The following GABRA2 variants were observed in gnomAD, a reference collection of about 807,000 sequenced individuals.
GABRA2 encodes the protein gamma-aminobutyric acid receptor subunit alpha-2.
Under a neutral mutation model 48.7 loss-of-function variants are expected in GABRA2, and 16 were observed. The ratio of observed to expected loss-of-function variants is 0.33; its 90% CI spans 0.22 to 0.50. The LOEUF is 0.50. Among genes scored for constraint, GABRA2 ranks in the 20% least tolerant of loss-of-function variants. The pLI, the probability that GABRA2 is intolerant of heterozygous loss-of-function variation, is 0.98. For missense variants in GABRA2, 275 were observed against 535.6 expected (o/e 0.51, Z 4.80); for synonymous variants, 185 against 184.5 (o/e 1.00, Z -0.02).
intron 8 of GABRA2, among the ~76,000 whole-genome samples, chr4:46,274,246 A>G (rs778082138): frequency 2.6e-5 from 4 of 152,118 alleles, no homozygotes; most frequent in Non-Finnish European, 4.4e-5. Flanking sequence ...CTTACTGAAG[A>G]TCATACTGTT....
At chr4:46,353,422 G>T (rs1274524469) in intron 3 of GABRA2, among the ~76,000 whole-genome samples, 1 of 151,986 alleles carries the variant, frequency 6.6e-6, no homozygotes, top group South Asian at 2.1e-4. Flanking sequence ...AAATCAAATC[G>T]TGCCATGGCT....
At chr4:46,386,246 A>C (rs1717432497) in intron 2 of GABRA2, 57 bp from the exon 3 acceptor site, 3 of 1,013,020 alleles carry the variant, frequency 3.0e-6, no homozygotes, top group Admixed American at 2.4e-5. Flanking sequence ...TGCAAATGCC[A>C]ACATGCTTTT....
intron 3 of GABRA2, among the ~76,000 whole-genome samples, chr4:46,358,951 C>T (rs1712676768): frequency 6.6e-6 from 1 of 152,186 alleles, no homozygotes; most frequent in Admixed American, 6.5e-5. Flanking sequence ...TAATGGATAA[C>T]TTTCAAATAC....
At chr4:46,341,911 T>G (rs1223325972) in intron 3 of GABRA2, among the ~76,000 whole-genome samples, 1 of 151,992 alleles carries the variant, frequency 6.6e-6, no homozygotes, top group African/African-American at 2.4e-5. Context: ...GCTAACTGTT[T>G]TCATCAAATG....
intron 3 of GABRA2, among the ~76,000 whole-genome samples, chr4:46,333,053 C>T (rs1002528546): frequency 5.9e-5 from 9 of 152,016 alleles, no homozygotes; most frequent in African/African-American, 2.2e-4. Context: ...TATAATCCTA[C>T]ATTCGATGTT....
Position 46,278,829 on chromosome 4 carries a change from T to C in GABRA2, c.857-16701A>G, listed in dbSNP as rs1350688563. Among the ~76,000 whole-genome samples the C allele has an allele frequency of 5.3e-5, 8 of 151,870 alleles. No individual in the cohort carries two copies. In the South Asian group the frequency reaches 1.0e-3, roughly 20 times the overall value. ...AGGAATGTTCCAGAGTAGAATTAAA[T>C]GTTAACAGTAGAGATTAGACGATGG... On this transcript the variant is annotated intron_variant, in intron 8 of 9. Transcript: ENST00000381620.
chr4:46,389,233 A>T, intron 1 of GABRA2: 1 of 986,346 alleles, frequency 1.0e-6, no homozygotes, highest in Non-Finnish European at 1.2e-6. Context: ...TCTACATTAC[A>T]GTGAACTGCG....
In GABRA2 at chr4:46,316,095, T is replaced by C. The variant is rs191475631; in HGVS notation, c.256-3379A>G. The stretch of plus-strand genomic sequence containing the variant: ...ATGGCAATATATCTAGCCCTTTGAT[T>C]CATTTTTACTGCTTTATAGTATTAT... On this transcript the variant is annotated intron_variant, in intron 4 of 9. Coordinates refer to ENST00000381620, the MANE Select transcript of GABRA2 (RefSeq NM_000807.4). Among the ~76,000 whole-genome samples, 380 of 152,076 alleles carry C rather than the reference T, an allele frequency of 2.5e-3. 2 individuals are homozygous for C. Among genetic ancestry groups the C allele is most frequent in the Middle Eastern group, 0.014 (4 of 294 alleles).
intron 7 of GABRA2, 95 bp downstream of exon 7, chr4:46,305,473 G>A: frequency 8.8e-7 from 1 of 1,142,528 alleles, no homozygotes. Context: ...TGGACCTCAA[G>A]AGCAAAAGAT....
At chr4:46,345,105 G>T (rs1395323854) in intron 3 of GABRA2, among the ~76,000 whole-genome samples, 1 of 151,696 alleles carries the variant, frequency 6.6e-6, no homozygotes, top group Admixed American at 6.6e-5. Flanking sequence ...AGATCCAATG[G>T]TTTTATAAGG....
Position 46,386,084 on chromosome 4 carries a change from T to G in GABRA2, c.177A>C (p.Pro59=), listed in dbSNP as rs200153605. The G allele has an allele frequency of 3.1e-6, 5 of 1,604,646 alleles. No individual in the cohort carries two copies. The highest frequency in any genetic ancestry group is 1.7e-4 in the Middle Eastern group (1 of 6,058). ...GAAAACTATTTTTACCTCCCAGTCC[T>G]GGTCTAAGCCGATTATCGTAACCAT... ...LLDGYDNRLR[P]GLGDSITEVF... The change falls in exon 3 of 10, where the codon CCA becomes CCC. Residue 59 remains proline (P), a synonymous_variant. Transcript: ENST00000381620.
intron 7 of GABRA2, among the ~76,000 whole-genome samples, chr4:46,304,570 A>C (rs1726311701): frequency 6.6e-6 from 1 of 152,046 alleles, no homozygotes; most frequent in African/African-American, 2.4e-5. Context: ...AGTAATTATC[A>C]ACATCAAAAG....
At chr4:46,260,515 A>G (rs1021382939) in intron 9 of GABRA2, among the ~76,000 whole-genome samples, 9 of 152,006 alleles carry the variant, frequency 5.9e-5, no homozygotes, top group African/African-American at 1.7e-4. Context: ...ATATTAAAAT[A>G]ATATATCAAT....
At chr4:46,277,543 ATATC>A (rs1720733946) in intron 8 of GABRA2, among the ~76,000 whole-genome samples, 2 of 152,148 alleles carry the variant, frequency 1.3e-5, no homozygotes, top group African/African-American at 4.8e-5. Context: ...AAAACCGTCT[ATATC>A]TATCTCCGTC....
rs115853695 is a variant in GABRA2, at chr4:46,361,462, C to T, written c.187+24612G>A. 8.7e-3 allele frequency among the ~76,000 whole-genome samples: 1,325 copies of T among 152,280 alleles called. 17 individuals carry two copies. The highest frequency in any genetic ancestry group is 0.03 in the African/African-American group (1,250 of 41,548). On this transcript the variant is annotated intron_variant, in intron 3 of 9. Transcript: ENST00000381620. ...TCAAGAATTGAAGTTTGGGAACCTC[C>T]GCCTGGATTTCAAAGGATGTATGGA...
chr4:46,332,407 G>C (rs1238179021), intron 4 of GABRA2, among the ~76,000 whole-genome samples: 1 of 152,006 alleles, frequency 6.6e-6, no homozygotes, highest in Non-Finnish European at 1.5e-5. Context: ...TTTTGAAAAT[G>C]ACGTAAAATA....
At chr4:46,341,673 C>A (rs988671480) in intron 3 of GABRA2, among the ~76,000 whole-genome samples, 1 of 152,030 alleles carries the variant, frequency 6.6e-6, no homozygotes, top group African/African-American at 2.4e-5. Context: ...GCCTTCACTT[C>A]CTGCTTTTGC....
At position 46,389,913 on chromosome 4, in the gene GABRA2, G is replaced by T. The variant is rs977977204; in HGVS notation, c.-189C>A. On this transcript the variant is annotated 5_prime_UTR_variant, in exon 1 of 10. Coordinates refer to ENST00000381620, the MANE Select transcript of GABRA2 (RefSeq NM_000807.4). ...GTGGAGCGATGGGCTGGTGGAAGCC[G>T]GAGAGGAGCGCTAGGAGCCGCGGCG... The T allele has an allele frequency of 2.0e-6, 2 of 987,078 alleles. No individual in the cohort carries two copies. Among genetic ancestry groups the T allele is most frequent in the Non-Finnish European group, 2.4e-6 (2 of 831,422 alleles). The allele number at this position is 987,078 out of a possible 1,614,324, so 61.1% of individuals were successfully genotyped here. A position where few individuals can be genotyped will look rare whatever the true frequency, so the allele number is the denominator to read the frequency against.
In GABRA2 at chr4:46,250,088, T is replaced by C. The variant is rs201138500; in HGVS notation, c.*220A>G. The stretch of plus-strand genomic sequence containing the variant: ...TAAATCAGGTCCTAGGGTAAATCTT[T>C]AAAAAAGGCAATGGCTGTTTTCGCA... On this transcript the variant is annotated 3_prime_UTR_variant, in exon 10 of 10. Coordinates refer to ENST00000381620, the MANE Select transcript of GABRA2 (RefSeq NM_000807.4). 1 of 477,874 alleles carries C rather than the reference T, an allele frequency of 2.1e-6. No homozygotes were observed. 29.6% of individuals were successfully genotyped at this position (477,874 alleles called of 1,614,324 possible).
Sources: allele counts gnomAD v4.1 joint callset (sites outside exome capture counted in the v4.1 genomes callset), GRCh38; gene constraint gnomAD v4.1.1; transcripts MANE v1.5; gene names NCBI Gene and HGNC (gene_info 2026-07-23, HGNC 2026-07-21).